C8orf34: variants seen among roughly 807,000 people sequenced by gnomAD.
C8orf34 encodes chromosome 8 open reading frame 34.
Under a neutral mutation model 68.3 loss-of-function variants are expected in C8orf34, and 65 were observed. The observed-to-expected ratio is 0.95, with a 90% CI of 0.78 to 1.17. The LOEUF (loss-of-function observed/expected upper bound fraction) is 1.17. Among genes scored for constraint, C8orf34 ranks in the 50% most tolerant of loss-of-function variants. The probability of loss-of-function intolerance (pLI) is 0.00; values close to 1 mark genes in which losing one functional copy is unlikely to be tolerated. For synonymous variants in C8orf34, 244 were observed against 241.2 expected (o/e 1.01, Z -0.11); for missense variants, 664 against 655.4 (o/e 1.01, Z -0.14).
At chr8:68,802,585 G>C (rs1341310246) in intron 12 of C8orf34, among the ~76,000 whole-genome samples, 1 of 150,550 alleles carries the variant, frequency 6.6e-6, no homozygotes, top group Non-Finnish European at 1.5e-5. Context: ...TGCAACCTCT[G>C]CCTCCCGGGC....
At position 68,811,601 on chromosome 8, in the gene C8orf34, C is replaced by T. The variant is rs749265572; in HGVS notation, c.1550-4285C>T. Among the ~76,000 whole-genome samples, 11 of 152,294 alleles carry T rather than the reference C, an allele frequency of 7.2e-5. No homozygotes were observed. The South Asian group carries it at 1.9e-3, about 26-fold the overall frequency. Reference sequence around the variant, plus strand: ...CTGCAATCACTAACATTAAATAGATCCGCCAAATCTCTTTTGGAGAGATAT... The same window carrying T: ...CTGCAATCACTAACATTAAATAGATTCGCCAAATCTCTTTTGGAGAGATAT... On this transcript the variant is annotated intron_variant, in intron 12 of 13. Coordinates refer to ENST00000518698, the MANE Select transcript of C8orf34 (RefSeq NM_052958.4).
intron 7 of C8orf34, among the ~76,000 whole-genome samples, chr8:68,574,171 G>C (rs561795527): frequency 6.6e-6 from 1 of 151,688 alleles, no homozygotes; most frequent in East Asian, 1.9e-4. Context: ...AATAATATTA[G>C]CTGCTATTTC....
At chr8:68,351,799 G>A (rs1051880194) in intron 1 of C8orf34, among the ~76,000 whole-genome samples, 15 of 152,056 alleles carry the variant, frequency 9.9e-5, no homozygotes, top group Non-Finnish European at 1.6e-4. Context: ...AAGTAACTGT[G>A]CCATTTTGAA....
chr8:68,420,594 T>C (rs557947689), intron 1 of C8orf34, among the ~76,000 whole-genome samples: 1 of 151,796 alleles, frequency 6.6e-6, no homozygotes, highest in Non-Finnish European at 1.5e-5. Flanking sequence ...GTAGAAATAA[T>C]AAACAATAGA....
chr8:68,509,771 G>A (rs1477502879), intron 5 of C8orf34, among the ~76,000 whole-genome samples: 1 of 152,114 alleles, frequency 6.6e-6, no homozygotes, highest in African/African-American at 2.4e-5. Flanking sequence ...AGGGAGAGAA[G>A]GAAGAGCATC....
At chr8:68,330,492 G>T (rs557337355), upstream of C8orf34, among the ~76,000 whole-genome samples, 1 of 152,038 alleles carries the variant, frequency 6.6e-6, no homozygotes, top group Non-Finnish European at 1.5e-5. Context: ...TTAAACCCAC[G>T]CACCTTCTCA....
At position 68,496,600 on chromosome 8, in the gene C8orf34, C is replaced by T. The variant is rs543308729; in HGVS notation, c.765+8549C>T. Among the ~76,000 whole-genome samples, 124 of 152,304 alleles carry T rather than the reference C, an allele frequency of 8.1e-4. 1 individual carries two copies. The highest frequency in any genetic ancestry group is 1.5e-3 in the Non-Finnish European group (103 of 68,024). Reference sequence around the variant, plus strand: ...TGCCACGGGCTGTCAGGCCGCTTGACGCTTGCCTCACTAAGTACACCCATG... The same window carrying T: ...TGCCACGGGCTGTCAGGCCGCTTGATGCTTGCCTCACTAAGTACACCCATG... On this transcript the variant is annotated intron_variant, in intron 5 of 13. Transcript: ENST00000518698.
intron 5 of C8orf34, among the ~76,000 whole-genome samples, chr8:68,514,392 A>T (rs1310155942): frequency 1.3e-5 from 2 of 152,184 alleles, no homozygotes; most frequent in South Asian, 2.1e-4. Flanking sequence ...TAAGTCTATC[A>T]TTCTACCACC....
intron 8 of C8orf34, among the ~76,000 whole-genome samples, chr8:68,655,856 A>G (rs1390311413): frequency 6.6e-6 from 1 of 152,152 alleles, no homozygotes; most frequent in East Asian, 1.9e-4. Context: ...TCCTATTTCC[A>G]TCTTTCTAGA....
intron 7 of C8orf34, among the ~76,000 whole-genome samples, chr8:68,562,053 A>C (rs1191224372): frequency 6.6e-6 from 1 of 152,234 alleles, no homozygotes; most frequent in Non-Finnish European, 1.5e-5. Context: ...TACATAACCC[A>C]GTAATATTTA....
chr8:68,568,133 G>C (rs1025940407), intron 7 of C8orf34, among the ~76,000 whole-genome samples: 1 of 152,196 alleles, frequency 6.6e-6, no homozygotes, highest in East Asian at 1.9e-4. Flanking sequence ...AGAGTTCATG[G>C]TGCCCCAAAG....
At chr8:68,679,319 G>C (rs1487744525) in intron 8 of C8orf34, among the ~76,000 whole-genome samples, 2 of 151,042 alleles carry the variant, frequency 1.3e-5, no homozygotes, top group Admixed American at 1.3e-4. Flanking sequence ...AAAAACAAAA[G>C]CTATTAATAA....
intron 8 of C8orf34, among the ~76,000 whole-genome samples, chr8:68,701,429 T>G (rs538480182): frequency 9.2e-5 from 14 of 152,208 alleles, no homozygotes; most frequent in East Asian, 1.9e-4. Flanking sequence ...AAATTCCACT[T>G]AATCCCTACC....
intron 8 of C8orf34, among the ~76,000 whole-genome samples, chr8:68,701,180 G>A (rs557130480): frequency 1.4e-4 from 21 of 152,032 alleles, no homozygotes; most frequent in Non-Finnish European, 2.8e-4. Flanking sequence ...ATCCAGGGAA[G>A]GCAAAACTCT....
chr8:68,762,953 G>C (rs1823062202), intron 10 of C8orf34, among the ~76,000 whole-genome samples: 1 of 152,156 alleles, frequency 6.6e-6, no homozygotes. Context: ...TCTGTGCCCT[G>C]TCTTAGATGT....
At chr8:68,585,030 C>A (rs1268482700) in intron 7 of C8orf34, among the ~76,000 whole-genome samples, 1 of 152,112 alleles carries the variant, frequency 6.6e-6, no homozygotes, top group Non-Finnish European at 1.5e-5. Flanking sequence ...GGGGAAATTG[C>A]TTGTTCTCTG....
chr8:68,801,723 G>C (rs1482156386), intron 12 of C8orf34, among the ~76,000 whole-genome samples: 5 of 152,044 alleles, frequency 3.3e-5, no homozygotes, highest in Non-Finnish European at 2.9e-5. Context: ...TTGTCTGATG[G>C]CATTTAGGTA....
chr8:68,534,706 C>T (rs1047141552), intron 7 of C8orf34: 2 of 985,198 alleles, frequency 2.0e-6, no homozygotes, highest in Admixed American at 6.2e-5. Context: ...CATAACTATA[C>T]CTGTAAATGG....
intron 1 of C8orf34, among the ~76,000 whole-genome samples, chr8:68,372,323 C>T (rs1807596049): frequency 6.6e-6 from 1 of 152,154 alleles, no homozygotes; most frequent in African/African-American, 2.4e-5. Context: ...CAGGAAGCAG[C>T]TACCCCTAAA....
Sources: gnomAD v4.1 joint callset for allele counts (sites outside exome capture counted in the v4.1 genomes callset) on GRCh38, gnomAD v4.1.1 for gene constraint, MANE v1.5 for transcripts, NCBI Gene and HGNC (gene_info 2026-07-23, HGNC 2026-07-21) for gene names.